SVIL: variants seen among roughly 807,000 people sequenced by gnomAD.
SVIL encodes archvillin.
In SVIL, 101 loss-of-function variants were observed where a neutral mutation model predicts 240.4. The ratio of observed to expected loss-of-function variants is 0.42; its 90% CI spans 0.36 to 0.50. The LOEUF (loss-of-function observed/expected upper bound fraction) is 0.50, where lower values mean the gene tolerates loss of function less well. Among genes scored for constraint, SVIL ranks in the 20% least tolerant of loss-of-function variants. The probability of loss-of-function intolerance (pLI) is 0.01; values close to 1 mark genes in which losing one functional copy is unlikely to be tolerated. For missense variants in SVIL, 2,512 were observed against 2,818.7 expected (o/e 0.89, Z 2.46); for synonymous variants, 999 against 1,100.0 (o/e 0.91, Z 1.82).
intron 1 of SVIL, among the ~76,000 whole-genome samples, chr10:29,708,959 C>T (rs1963095879): frequency 1.3e-5 from 2 of 151,940 alleles, no homozygotes; most frequent in South Asian, 4.2e-4. Flanking sequence ...TAGAACAGTA[C>T]AAAGATAATG....
At chr10:29,533,836 C>T (rs1245375600) in intron 7 of SVIL, among the ~76,000 whole-genome samples, 2 of 152,200 alleles carry the variant, frequency 1.3e-5, no homozygotes, top group South Asian at 2.1e-4. Flanking sequence ...GTAAGCTTTC[C>T]TCATGTACAC....
intron 1 of SVIL, among the ~76,000 whole-genome samples, chr10:29,701,571 T>C (rs922886312): frequency 1.3e-5 from 2 of 152,156 alleles, no homozygotes; most frequent in South Asian, 2.1e-4. Flanking sequence ...ATTTTCCCTA[T>C]TGAAACTGAA....
intron 1 of SVIL, among the ~76,000 whole-genome samples, chr10:29,583,619 G>A (rs1956040621): frequency 6.6e-6 from 1 of 152,116 alleles, no homozygotes; most frequent in African/African-American, 2.4e-5. Context: ...TGTATTAACT[G>A]GTACCCAAGA....
At chr10:29,543,782 A>G (rs773745018) in intron 6 of SVIL, among the ~76,000 whole-genome samples, 5 of 152,100 alleles carry the variant, frequency 3.3e-5, no homozygotes, top group Admixed American at 6.5e-5. Context: ...TGTATTACAT[A>G]TGGTACTTAA....
At chr10:29,487,493 G>A (rs1326901590) in intron 23 of SVIL, 194 bp from the exon 24 acceptor site, 4 of 615,172 alleles carry the variant, frequency 6.5e-6, no homozygotes, top group Non-Finnish European at 8.2e-6. Flanking sequence ...CTGCTTTCCT[G>A]GTTTGTGCTT....
intron 18 of SVIL, among the ~76,000 whole-genome samples, chr10:29,495,869 G>C (rs1490930546): frequency 6.6e-6 from 1 of 152,164 alleles, no homozygotes; most frequent in Non-Finnish European, 1.5e-5. Flanking sequence ...AAAGTATCCA[G>C]CTGGAAGAAG....
Position 29,529,719 on chromosome 10 carries a change from C to A in SVIL, c.2232G>T (p.Val744=), listed in dbSNP as rs370452380. 1.4e-5 allele frequency: 23 copies of A among 1,607,316 alleles called. No individual in the cohort carries two copies. Among genetic ancestry groups the A allele is most frequent in the Non-Finnish European group, 1.8e-5 (21 of 1,177,694 alleles). Residue 744 remains valine, a synonymous_variant, in exon 12 of 38, where the codon GTG becomes GTT. Transcript: ENST00000355867. ...SLTQPITTEE[V]VIAATEPIPA... is the part of the protein sequence containing the mutation. ...TGGGCACTTACGTGGCTGCGATGACCACCTCTTCAGTGGTGATGGGCTGGG... is the reference window on the plus strand; with the variant it reads ...TGGGCACTTACGTGGCTGCGATGACAACCTCTTCAGTGGTGATGGGCTGGG...
chr10:29,703,238 A>G (rs999072030), intron 1 of SVIL, among the ~76,000 whole-genome samples: 2 of 152,154 alleles, frequency 1.3e-5, no homozygotes, highest in African/African-American at 4.8e-5. Context: ...TGGGTTCATT[A>G]TTTAACGTTC....
chr10:29,564,887 C>T (rs772936763), intron 2 of SVIL, among the ~76,000 whole-genome samples: 1 of 152,194 alleles, frequency 6.6e-6, no homozygotes, highest in Non-Finnish European at 1.5e-5. Context: ...GACTTCTAAA[C>T]ACTGAATTGT....
Position 29,530,597 on chromosome 10 carries a change from C to T in SVIL, c.2106+10G>A, listed in dbSNP as rs767311113. On this transcript the variant is annotated intron_variant, in intron 11 of 37. Transcript: ENST00000355867. ...AGGGATCTCTATTCAAGCACGTCAG[C>T]ACAGCTTACCCTGAAAAGCAACCTC... 1.9e-6 allele frequency: 3 copies of T among 1,614,076 alleles called. No homozygotes were observed. Among genetic ancestry groups the T allele is most frequent in the East Asian group, 2.2e-5 (1 of 44,870 alleles).
intron 2 of SVIL, among the ~76,000 whole-genome samples, chr10:29,686,115 A>G (rs1356740150): frequency 1.3e-5 from 2 of 152,256 alleles, no homozygotes; most frequent in Non-Finnish European, 2.9e-5. Context: ...CATTAGGCAG[A>G]GCAACTTGAA....
intron 5 of SVIL, among the ~76,000 whole-genome samples, chr10:29,551,887 G>A (rs968791174): frequency 7.9e-5 from 12 of 152,136 alleles, no homozygotes; most frequent in Non-Finnish European, 1.8e-4. Flanking sequence ...GAGGTGGGAG[G>A]GTGGCTGGAG....
chr10:29,590,165 C>CAAAAA (rs58469441), intron 1 of SVIL, among the ~76,000 whole-genome samples: 22 of 79,666 alleles, frequency 2.8e-4, no homozygotes, highest in African/African-American at 1.1e-3. Context: ...GACTCCGTCT[C>CAAAAA]AAAAAAAAAA....
At chr10:29,542,078 G>C (rs1952208566) in intron 6 of SVIL, among the ~76,000 whole-genome samples, 1 of 152,176 alleles carries the variant, frequency 6.6e-6, no homozygotes, top group Admixed American at 6.5e-5. Context: ...TAGTTCAGCT[G>C]ACGTTTTCTT....
At chr10:29,578,913 A>C (rs1030451128) in intron 1 of SVIL, among the ~76,000 whole-genome samples, 14 of 151,978 alleles carry the variant, frequency 9.2e-5, no homozygotes, top group African/African-American at 3.1e-4. Context: ...TATTACTTAA[A>C]GTCTTCTTGT....
At position 29,490,763 on chromosome 10, in the gene SVIL, C is replaced by T. The variant is rs1947881261; in HGVS notation, c.4192+84G>A. 15 of 1,554,722 alleles carry T rather than the reference C, an allele frequency of 9.6e-6. No homozygotes were observed. In the Admixed American group the frequency reaches 1.1e-4, roughly 11 times the overall value. ...TTCTGAGCACCATTATTGGCCTTCACAAGGCAGAAAACCAAGCAATGAGTA... is the reference window on the plus strand; with the variant it reads ...TTCTGAGCACCATTATTGGCCTTCATAAGGCAGAAAACCAAGCAATGAGTA... On this transcript the variant is annotated intron_variant, in intron 22 of 37. Transcript: ENST00000355867.
intron 1 of SVIL, among the ~76,000 whole-genome samples, chr10:29,689,160 C>A (rs771699560): frequency 2.0e-5 from 3 of 152,174 alleles, no homozygotes; most frequent in Non-Finnish European, 4.4e-5. Flanking sequence ...CTTAGCTCAA[C>A]TTTTTCTTTT....
intron 6 of SVIL, among the ~76,000 whole-genome samples, chr10:29,544,572 T>A (rs900360410): frequency 6.6e-6 from 1 of 151,220 alleles, no homozygotes; most frequent in Non-Finnish European, 1.5e-5. Context: ...CTGGGCAACA[T>A]TGTGAAACCC....
At chr10:29,658,511 C>T (rs575620275) in intron 2 of SVIL, among the ~76,000 whole-genome samples, 24 of 152,330 alleles carry the variant, frequency 1.6e-4, no homozygotes, top group African/African-American at 5.3e-4. Flanking sequence ...AATCCTGGCA[C>T]TTTGGAAGGT....
Sources: gnomAD v4.1 joint callset for allele counts (sites outside exome capture counted in the v4.1 genomes callset) on GRCh38, gnomAD v4.1.1 for gene constraint, MANE v1.5 for transcripts, NCBI Gene and HGNC (gene_info 2026-07-23, HGNC 2026-07-21) for gene names.